CHP1: variants seen among roughly 807,000 people sequenced by gnomAD.
CHP1 encodes the protein calcineurin like EF-hand protein 1.
Under a neutral mutation model 27.4 loss-of-function variants are expected in CHP1, and 11 were observed. That is an observed-to-expected ratio of 0.40 (90% confidence interval 0.25 to 0.67). The LOEUF (loss-of-function observed/expected upper bound fraction) is 0.67, where lower values mean the gene tolerates loss of function less well. Among genes scored for constraint, CHP1 ranks in the 30% least tolerant of loss-of-function variants. CHP1 has a pLI of 0.38. For synonymous variants in CHP1, 89 were observed against 87.4 expected, an observed-to-expected ratio of 1.02 and a Z score of -0.10; for missense variants, 169 against 251.3, an observed-to-expected ratio of 0.67 and a Z score of 2.22.
chr15:41,273,126 AC>A (rs1283890454), intron 5 of CHP1, among the ~76,000 whole-genome samples: 1 of 152,024 alleles, frequency 6.6e-6, no homozygotes, highest in African/African-American at 2.4e-5. Context: ...AAAATCCTAA[AC>A]AAAATATTAA....
rs79928741 is a variant in CHP1 at position 41,248,772 on chromosome 15, G to A, written c.140+5033G>A. ...CTACAAAAAATAAAAATAAATGAGA[G>A]AAGCACCAAGCTACCTTGAATACCT... On this transcript the variant is annotated intron_variant, in intron 2 of 6. Transcript: ENST00000334660. Among the ~76,000 whole-genome samples the A allele has an allele frequency of 5.9e-3, 893 of 152,190 alleles. 9 individuals are homozygous for A. Among genetic ancestry groups the A allele is most frequent in the Non-Finnish European group, 8.9e-3 (606 of 68,004 alleles).
rs34921023 is a variant in CHP1, at chr15:41,280,505, A to ATTTTTTTTTTTT, written c.*1132_*1143dup. On this transcript the variant is annotated 3_prime_UTR_variant, in exon 7 of 7. Coordinates refer to ENST00000334660, the MANE Select transcript of CHP1 (RefSeq NM_007236.5). ...GGAAGTGCCTAATATCCCAGTCCAA[A>ATTTTTTTTTTTT]TTTTTTTTTTTTTTTTTTTTTTTTT... 3 of 111,368 alleles carry ATTTTTTTTTTTT rather than the reference A, an allele frequency of 2.7e-5. 1 individual carries two copies. Among genetic ancestry groups the ATTTTTTTTTTTT allele is most frequent in the African/African-American group, 3.5e-5 (1 of 28,670 alleles). 6.9% of individuals were successfully genotyped at this position (111,368 alleles called of 1,614,324 possible).
At chr15:41,273,358 T>G (rs531511988) in intron 5 of CHP1, among the ~76,000 whole-genome samples, 1 of 152,226 alleles carries the variant, frequency 6.6e-6, no homozygotes, top group East Asian at 1.9e-4. Context: ...AAATTCACCA[T>G]CCATTCATTT....
intron 1 of CHP1, among the ~76,000 whole-genome samples, chr15:41,243,324 G>A (rs2047316733): frequency 6.6e-6 from 1 of 152,184 alleles, no homozygotes; most frequent in African/African-American, 2.4e-5. Flanking sequence ...TGGGTGACAA[G>A]AGCAAAACTT....
intron 4 of CHP1, among the ~76,000 whole-genome samples, chr15:41,268,380 C>G (rs1278439336): frequency 1.3e-5 from 2 of 152,028 alleles, no homozygotes; most frequent in Admixed American, 1.3e-4. Context: ...GGCGCAGTGG[C>G]TCATGCCTGT....
chr15:41,258,361 ACT>A (rs1404297362), intron 3 of CHP1, among the ~76,000 whole-genome samples: 1 of 151,966 alleles, frequency 6.6e-6, no homozygotes, highest in Non-Finnish European at 1.5e-5. Context: ...CTAATCTATT[ACT>A]CTGTTTTATT....
At chr15:41,263,016 T>C (rs1189441646) in intron 4 of CHP1, 133 bp downstream of exon 4, 1 of 1,194,044 alleles carries the variant, frequency 8.4e-7, no homozygotes, top group African/African-American at 1.5e-5. Flanking sequence ...GGAGCTAAAC[T>C]GGCCAAGATT....
intron 5 of CHP1, among the ~76,000 whole-genome samples, chr15:41,271,010 C>T (rs2047486020): frequency 6.6e-6 from 1 of 152,062 alleles, no homozygotes; most frequent in African/African-American, 2.4e-5. Flanking sequence ...AATCCCAGCA[C>T]TTTGGAAGGC....
intron 4 of CHP1, among the ~76,000 whole-genome samples, chr15:41,268,472 C>T (rs2140940360): frequency 6.6e-6 from 1 of 151,946 alleles, no homozygotes; most frequent in African/African-American, 2.4e-5. Context: ...TGGTGAAACC[C>T]CATCTCTACT....
In CHP1 at chr15:41,280,898, A is replaced by C. The variant is rs1265486319; in HGVS notation, c.*1509A>C. ...TTTTGAGATGGAGTCTCACTCTGTC[A>C]CCCAGGCTGGAGTGCAGTGGCGTGA... is the stretch of plus-strand genomic sequence containing the variant. On this transcript the variant is annotated 3_prime_UTR_variant, in exon 7 of 7. Transcript: ENST00000334660. 2 of 151,444 alleles carry C rather than the reference A, an allele frequency of 1.3e-5. No homozygotes were observed. The highest frequency in any genetic ancestry group is 2.9e-5 in the Non-Finnish European group (2 of 68,012). 9.4% of individuals were successfully genotyped at this position (151,444 alleles called of 1,614,324 possible).
At chr15:41,250,701 A>G (rs1456023214) in intron 2 of CHP1, among the ~76,000 whole-genome samples, 2 of 150,838 alleles carry the variant, frequency 1.3e-5, no homozygotes, top group African/African-American at 4.8e-5. Context: ...TCCCAGCTAA[A>G]GGGCCCATTT....
At position 41,281,680 on chromosome 15, in the gene CHP1, T is replaced by C. The variant is rs1383986363; in HGVS notation, c.*2291T>C. On this transcript the variant is annotated 3_prime_UTR_variant, in exon 7 of 7. Transcript: ENST00000334660. ...GATTTTATGATTAAGTGATGTAATATAGGAATTATGTAAAAGGGAAGAATG... is the reference window on the plus strand; with the variant it reads ...GATTTTATGATTAAGTGATGTAATACAGGAATTATGTAAAAGGGAAGAATG... The C allele has an allele frequency of 6.6e-6, 1 of 152,612 alleles. No individual in the cohort carries two copies. The highest frequency in any genetic ancestry group is 2.4e-5 in the African/African-American group (1 of 41,436). The allele number at this position is 152,612 out of a possible 1,614,324, so 9.5% of individuals were successfully genotyped here.
intron 2 of CHP1, among the ~76,000 whole-genome samples, chr15:41,245,150 A>G (rs1197170946): frequency 6.6e-6 from 1 of 152,204 alleles, no homozygotes; most frequent in Non-Finnish European, 1.5e-5. Context: ...AAATGGAATT[A>G]TATGGCCCTC....
chr15:41,274,092 C>A (rs1205749712), intron 5 of CHP1, among the ~76,000 whole-genome samples: 2 of 152,010 alleles, frequency 1.3e-5, no homozygotes, highest in African/African-American at 4.8e-5. Context: ...TCCTGAGTAG[C>A]TGGGACTATA....
chr15:41,233,638 G>A (rs565354371), intron 1 of CHP1, among the ~76,000 whole-genome samples: 1 of 152,108 alleles, frequency 6.6e-6, no homozygotes, highest in Non-Finnish European at 1.5e-5. Context: ...GACAAAAAAC[G>A]CCCCCAACCT....
At chr15:41,235,500 G>A (rs958645060) in intron 1 of CHP1, among the ~76,000 whole-genome samples, 2 of 152,124 alleles carry the variant, frequency 1.3e-5, no homozygotes, top group Non-Finnish European at 2.9e-5. Flanking sequence ...CTCTGGCCTG[G>A]GAGAAACAGA....
chr15:41,249,425 A>T (rs2047352684), intron 2 of CHP1, among the ~76,000 whole-genome samples: 1 of 144,170 alleles, frequency 6.9e-6, no homozygotes, highest in Admixed American at 7.0e-5. Flanking sequence ...AAGTGCTGGG[A>T]CTACAGATGT....
chr15:41,275,693 G>A (rs554525523), intron 5 of CHP1, among the ~76,000 whole-genome samples: 3 of 152,040 alleles, frequency 2.0e-5, no homozygotes, highest in East Asian at 1.9e-4. Flanking sequence ...TGCCTCAGCC[G>A]CCTGAGTAGC....
chr15:41,277,156 A>C (rs184223244), intron 5 of CHP1, among the ~76,000 whole-genome samples: 6 of 152,322 alleles, frequency 3.9e-5, no homozygotes, highest in African/African-American at 1.4e-4. Context: ...ACATTCTGAG[A>C]TATGCAATGT....
Sources: gnomAD v4.1 joint callset for allele counts (sites outside exome capture counted in the v4.1 genomes callset) on GRCh38, gnomAD v4.1.1 for gene constraint, MANE v1.5 for transcripts, NCBI Gene and HGNC (gene_info 2026-07-23, HGNC 2026-07-21) for gene names.